The following MCTP1 variants were observed in gnomAD, a reference collection of about 807,000 sequenced individuals.
MCTP1 encodes the protein multiple C2 and transmembrane domain containing 1, also known as multiple C2 and transmembrane domain-containing protein 1.
In MCTP1, 69 loss-of-function variants were observed where a neutral mutation model predicts 120.6. The ratio of observed to expected loss-of-function variants is 0.57; its 90% CI spans 0.47 to 0.70. The LOEUF (loss-of-function observed/expected upper bound fraction) is 0.70. Among genes scored for constraint, MCTP1 ranks in the 30% least tolerant of loss-of-function variants. The probability of loss-of-function intolerance (pLI) is 0.00; values close to 1 mark genes in which losing one functional copy is unlikely to be tolerated. For missense variants in MCTP1, 1,203 were observed against 1,248.8 expected (o/e 0.96, Z 0.55); for synonymous variants, 529 against 493.1 (o/e 1.07, Z -0.96).
rs905273079 is a variant in MCTP1, at chr5:95,283,916, C to T, written c.660G>A (p.Pro220=). ...CCCGAGACTCCGCGGGACTCCGCGCCGGCTCTGCGGGAGGAGGCGGCGGCT... is the reference window on the plus strand; with the variant it reads ...CCCGAGACTCCGCGGGACTCCGCGCTGGCTCTGCGGGAGGAGGCGGCGGCT... ...LLEPPPPPAE[P]ARSPAESRAP... is the part of the protein sequence containing the mutation. Residue 220 remains proline, a synonymous_variant, in exon 1 of 23, where the codon CCG becomes CCA. Transcript: ENST00000515393. 3.6e-6 allele frequency: 5 copies of T among 1,395,254 alleles called. No individual in the cohort carries two copies. Among genetic ancestry groups the T allele is most frequent in the African/African-American group, 1.5e-5 (1 of 65,528 alleles). The allele number at this position is 1,395,254 out of a possible 1,614,324, so 86.4% of individuals were successfully genotyped here.
chr5:94,870,490 A>C lies in MCTP1; in HGVS notation c.2243T>G (p.Val748Gly). 6.3e-7 allele frequency: 1 copy of C among 1,599,480 alleles called. No individual in the cohort carries two copies. The highest frequency in any genetic ancestry group is 8.6e-7 in the Non-Finnish European group (1 of 1,166,772). Residue 748 changes from valine to glycine, a missense_variant and splice_region_variant, in exon 16 of 23, where the codon GTG becomes GGG. Physicochemically the swap from Val to Gly is moderately radical, Grantham distance 109. Around this residue, in one of 2 missense-constraint regions of MCTP1, gnomAD observed 740 missense variants for 871.1 expected, o/e 0.85. Transcript: ENST00000515393. ...TATTAATGTTCGTAAGCTGGCTTTC[A>C]CCTATACATCAACATATGTGTCTGT... ...YLEIDVIFNA[V>G]KASLRTLIPK...
chr5:95,023,202 C>G (rs1838540614), intron 1 of MCTP1, among the ~76,000 whole-genome samples: 1 of 152,324 alleles, frequency 6.6e-6, no homozygotes, highest in Non-Finnish European at 1.5e-5. Context: ...TGAACACACA[C>G]TTACTGCCTT....
chr5:94,946,358 G>C (rs1178598940), intron 3 of MCTP1, among the ~76,000 whole-genome samples: 5 of 152,114 alleles, frequency 3.3e-5, no homozygotes, highest in Non-Finnish European at 1.5e-5. Context: ...CTATTTATTG[G>C]CCAAAGATAT....
chr5:94,767,402 A>T (rs1773030709), intron 19 of MCTP1, among the ~76,000 whole-genome samples: 1 of 152,232 alleles, frequency 6.6e-6, no homozygotes, highest in South Asian at 2.1e-4. Context: ...ATAGTACTGA[A>T]AGTCCTAGCT....
chr5:94,989,277 A>C (rs1831039159), intron 2 of MCTP1, among the ~76,000 whole-genome samples: 3 of 152,222 alleles, frequency 2.0e-5, no homozygotes, highest in Middle Eastern at 6.8e-3. Flanking sequence ...ACAATCTGGA[A>C]GAAAAGACAA....
intron 1 of MCTP1, among the ~76,000 whole-genome samples, chr5:95,134,465 T>C (rs755938796): frequency 6.6e-6 from 1 of 152,150 alleles, no homozygotes; most frequent in Non-Finnish European, 1.5e-5. Context: ...GGTTGGCAAT[T>C]TGGGGCGGAT....
At chr5:95,100,478 A>G (rs1389391751) in intron 1 of MCTP1, among the ~76,000 whole-genome samples, 1 of 152,182 alleles carries the variant, frequency 6.6e-6, no homozygotes, top group Non-Finnish European at 1.5e-5. Context: ...AATCTCAAAA[A>G]TCAATAAAAA....
At chr5:95,131,176 T>G (rs555867812) in intron 1 of MCTP1, among the ~76,000 whole-genome samples, 22 of 152,172 alleles carry the variant, frequency 1.4e-4, no homozygotes, top group Non-Finnish European at 2.9e-4. Context: ...ATCTCAATGT[T>G]GTCAGAGTTG....
chr5:94,939,493 G>A (rs1356328757), intron 5 of MCTP1, among the ~76,000 whole-genome samples: 3 of 152,002 alleles, frequency 2.0e-5, no homozygotes, highest in African/African-American at 4.8e-5. Context: ...CACTTCAACT[G>A]TGGGGGAGTA....
intron 2 of MCTP1, among the ~76,000 whole-genome samples, chr5:95,008,596 G>T (rs1835239446): frequency 6.6e-6 from 1 of 152,110 alleles, no homozygotes; most frequent in African/African-American, 2.4e-5. Flanking sequence ...CCTCCCAAAA[G>T]ATATGTCCAA....
At chr5:95,236,682 TAGTAGATATG>T (rs1401534627) in intron 1 of MCTP1, among the ~76,000 whole-genome samples, 2 of 152,200 alleles carry the variant, frequency 1.3e-5, no homozygotes, top group Non-Finnish European at 2.9e-5. Context: ...ATCCCACAAA[TAGTAGATATG>T]GGCTGAGTTG....
intron 19 of MCTP1, among the ~76,000 whole-genome samples, chr5:94,757,570 T>C (rs1440684805): frequency 1.3e-5 from 2 of 152,188 alleles, no homozygotes; most frequent in African/African-American, 4.8e-5. Context: ...GAGGTTATGA[T>C]GGGACAATTT....
At chr5:95,239,931 T>C (rs1244492136) in intron 1 of MCTP1, among the ~76,000 whole-genome samples, 2 of 152,166 alleles carry the variant, frequency 1.3e-5, no homozygotes, top group Non-Finnish European at 2.9e-5. Flanking sequence ...TACACATTTT[T>C]ATCCAATTTT....
chr5:94,891,273 T>G (rs1802541080), intron 11 of MCTP1, among the ~76,000 whole-genome samples: 1 of 152,160 alleles, frequency 6.6e-6, no homozygotes, highest in Non-Finnish European at 1.5e-5. Flanking sequence ...TGCACTTCTC[T>G]CTCCATTTAA....
intron 8 of MCTP1, among the ~76,000 whole-genome samples, chr5:94,914,716 G>C (rs1381390511): frequency 6.6e-6 from 1 of 152,190 alleles, no homozygotes; most frequent in East Asian, 1.9e-4. Flanking sequence ...AAGTTCTGCA[G>C]AACTCCATGC....
At chr5:94,730,296 A>T (rs1387385497) in intron 19 of MCTP1, among the ~76,000 whole-genome samples, 1 of 152,146 alleles carries the variant, frequency 6.6e-6, no homozygotes, top group African/African-American at 2.4e-5. Flanking sequence ...AATAGCTGGG[A>T]CCACTGGCAC....
At chr5:94,724,740 A>G (rs306580) in intron 19 of MCTP1, among the ~76,000 whole-genome samples, 55,564 of 151,892 alleles carry the variant, frequency 0.37, 10,363 homozygotes, top group South Asian at 0.49. Flanking sequence ...AAAGATCTTA[A>G]AAGAACCTTA....
At chr5:95,227,743 T>C (rs1206875071) in intron 1 of MCTP1, among the ~76,000 whole-genome samples, 2 of 152,186 alleles carry the variant, frequency 1.3e-5, no homozygotes, top group Non-Finnish European at 2.9e-5. Flanking sequence ...CATACTACTT[T>C]TTTATCACTA....
chr5:95,221,899 C>G (rs1753738157), intron 1 of MCTP1, among the ~76,000 whole-genome samples: 1 of 152,180 alleles, frequency 6.6e-6, no homozygotes, highest in African/African-American at 2.4e-5. Context: ...GACCTGAGAA[C>G]ATACCGTCAA....
Sources: gnomAD v4.1 joint callset for allele counts (sites outside exome capture counted in the v4.1 genomes callset) on GRCh38, gnomAD v4.1.1 for gene constraint, gnomAD v4.1.1 regional missense constraint, MANE v1.5 for transcripts, NCBI Gene and HGNC (gene_info 2026-07-23, HGNC 2026-07-21) for gene names.